Variants in FGD6 observed in about 807,000 individuals in gnomAD.
FGD6 encodes FYVE, RhoGEF and PH domain containing 6, also known as FYVE, RhoGEF and PH domain-containing protein 6.
FGD6 carries 90 observed loss-of-function variants against 149.4 expected under a neutral mutation model. That is an observed-to-expected ratio of 0.60 (90% CI 0.51 to 0.72). The LOEUF is 0.72. Ranked by LOEUF, FGD6 falls within the 30% of genes least tolerant of loss-of-function variation. The probability of loss-of-function intolerance (pLI) is 0.00; values close to 1 mark genes in which losing one functional copy is unlikely to be tolerated. For synonymous variants in FGD6, 527 were observed against 584.0 expected (o/e 0.90, Z 1.41); for missense variants, 1,437 against 1,684.8 (o/e 0.85, Z 2.57).
rs777406862 is a variant in FGD6 at position 95,210,891 on chromosome 12, A to G, written c.393T>C (p.Leu131=). The G allele has an allele frequency of 6.2e-7, 1 of 1,613,120 alleles. No homozygotes were observed. Among genetic ancestry groups the G allele is most frequent in the Admixed American group, 1.7e-5 (1 of 59,796 alleles). Residue 131 remains leucine (L), a synonymous_variant, in exon 2 of 21, where the codon CTT becomes CTC. Coordinates refer to ENST00000343958, the MANE Select transcript of FGD6 (RefSeq NM_018351.4). The stretch of plus-strand genomic sequence containing the variant: ...CATTCATTTCCAGGGGCTCTAAAAC[A>G]AGCTGCTTTACACACAAATTCTCTC... ...GHRENLCVKQ[L]VLEPLEMNEN...
chr12:95,172,295 GAA>G (rs1881016442), intron 3 of FGD6, among the ~76,000 whole-genome samples: 1 of 152,166 alleles, frequency 6.6e-6, no homozygotes, highest in Non-Finnish European at 1.5e-5. Context: ...AGGATGGCTT[GAA>G]CCCGGGAGGT....
At chr12:95,200,047 G>A (rs1321793755) in intron 2 of FGD6, among the ~76,000 whole-genome samples, 7 of 152,044 alleles carry the variant, frequency 4.6e-5, no homozygotes, top group African/African-American at 1.7e-4. Context: ...AATCAGAACT[G>A]CTTTTCAGAT....
rs9705498 is a variant in FGD6, at chr12:95,083,038, C to T, written c.4256+1460G>A. On this transcript the variant is annotated intron_variant, in intron 20 of 20. Transcript: ENST00000343958. The stretch of plus-strand genomic sequence containing the variant: ...ATATATATATATATATATACACACA[C>T]ATACACACACACACACACACACACA... Among the ~76,000 whole-genome samples, 203 of 62,634 alleles carry T rather than the reference C, an allele frequency of 3.2e-3. 4 individuals carry two copies. Among genetic ancestry groups the T allele is most frequent in the African/African-American group, 9.2e-3 (162 of 17,536 alleles). The allele number at this position is 62,634 out of a possible 152,430, so 41.1% of individuals were successfully genotyped here. A position where few individuals can be genotyped will look rare whatever the true frequency, so the allele number is the denominator to read the frequency against.
intron 18 of FGD6, among the ~76,000 whole-genome samples, chr12:95,087,640 T>C (rs1877923111): frequency 6.6e-6 from 1 of 152,212 alleles, no homozygotes; most frequent in South Asian, 2.1e-4. Context: ...GCCTGGACTC[T>C]GGAGATAATA....
intron 3 of FGD6, among the ~76,000 whole-genome samples, chr12:95,159,242 C>A (rs1306710519): frequency 6.6e-6 from 1 of 152,066 alleles, no homozygotes; most frequent in Admixed American, 6.6e-5. Flanking sequence ...TCTGCCAGGG[C>A]CTGCATTACA....
intron 2 of FGD6, among the ~76,000 whole-genome samples, chr12:95,179,017 A>C (rs1881207323): frequency 6.6e-6 from 1 of 152,172 alleles, no homozygotes; most frequent in African/African-American, 2.4e-5. Flanking sequence ...TATAAACCAG[A>C]AACTGTTTAA....
intron 9 of FGD6, among the ~76,000 whole-genome samples, chr12:95,109,993 CTT>C (rs35721924): frequency 1.3e-5 from 2 of 150,248 alleles, no homozygotes; most frequent in African/African-American, 2.4e-5. Context: ...CTTCTGTATT[CTT>C]TTTTTTTTTC....
At chr12:95,088,003 G>C (rs1018141979) in intron 18 of FGD6, among the ~76,000 whole-genome samples, 1 of 151,936 alleles carries the variant, frequency 6.6e-6, no homozygotes, top group Non-Finnish European at 1.5e-5. Flanking sequence ...AGTTACATTG[G>C]AATCCTACTA....
At chr12:95,128,299 C>T (rs1198420214) in intron 8 of FGD6, among the ~76,000 whole-genome samples, 2 of 152,196 alleles carry the variant, frequency 1.3e-5, no homozygotes, top group East Asian at 3.9e-4. Context: ...ACAACAGGCA[C>T]GATCATGGCT....
At chr12:95,211,590 A>C (rs2056728112) in intron 1 of FGD6, among the ~76,000 whole-genome samples, 1 of 144,202 alleles carries the variant, frequency 6.9e-6, no homozygotes, top group Admixed American at 7.3e-5. Flanking sequence ...CCCAGGCTGG[A>C]GTGCAGTGAC....
At chr12:95,132,687 G>A (rs1022357038) in intron 8 of FGD6, among the ~76,000 whole-genome samples, 1 of 152,152 alleles carries the variant, frequency 6.6e-6, no homozygotes, top group South Asian at 2.1e-4. Flanking sequence ...AGGAGGCGGA[G>A]TTTGCAGTGA....
At chr12:95,098,426 T>C (rs1592829773) in intron 14 of FGD6, among the ~76,000 whole-genome samples, 1 of 152,292 alleles carries the variant, frequency 6.6e-6, no homozygotes, top group African/African-American at 2.4e-5. Flanking sequence ...CTGTGGCTCT[T>C]AGGCTAAAGA....
rs541529907 is a variant in FGD6 at position 95,079,120 on chromosome 12, C to T, written c.*2400G>A. On this transcript the variant is annotated 3_prime_UTR_variant, in exon 21 of 21. Coordinates refer to ENST00000343958, the MANE Select transcript of FGD6 (RefSeq NM_018351.4). ...AGTTGACAATGAATGAGCCAGGTTA[C>T]ATAAATAACAATTGGTCAGCTTTAG... 6.6e-6 allele frequency: 1 copy of T among 152,222 alleles called. No individual in the cohort carries two copies. The highest frequency in any genetic ancestry group is 2.1e-4 in the South Asian group (1 of 4,826). 9.4% of individuals were successfully genotyped at this position (152,222 alleles called of 1,614,324 possible).
rs147326412 is a variant in FGD6 at position 95,210,422 on chromosome 12, C to T, written c.862G>A (p.Gly288Arg). Reference protein sequence around the residue: ...GKRSTLISSDGVSKKSEVKDL... With the variant: ...GKRSTLISSDRVSKKSEVKDL... ...TTGACTTCTGATTTCTTACTAACTCCATCTGAAGATATTAAAGTACTCCTT... is the reference window on the plus strand; with the variant it reads ...TTGACTTCTGATTTCTTACTAACTCTATCTGAAGATATTAAAGTACTCCTT... The change falls in exon 2 of 21, where the codon GGA becomes AGA. Residue 288 changes from glycine (G) to arginine (R), a missense_variant. Transcript: ENST00000343958. The T allele has an allele frequency of 3.7e-6, 6 of 1,614,010 alleles. No homozygotes were observed. The African/African-American group carries it at 6.7e-5, about 18-fold the overall frequency.
chr12:95,157,513 T>C (rs1880506966), intron 3 of FGD6, among the ~76,000 whole-genome samples: 1 of 145,478 alleles, frequency 6.9e-6, no homozygotes. Flanking sequence ...TTGCAGTGAG[T>C]CATGATCGTG....
At chr12:95,182,124 A>C (rs1881299497) in intron 2 of FGD6, among the ~76,000 whole-genome samples, 1 of 152,072 alleles carries the variant, frequency 6.6e-6, no homozygotes, top group South Asian at 2.1e-4. Flanking sequence ...GCCAGAAAAA[A>C]TAAAGGCCAT....
At chr12:95,165,557 C>T (rs548487241) in intron 3 of FGD6, among the ~76,000 whole-genome samples, 13 of 151,416 alleles carry the variant, frequency 8.6e-5, no homozygotes, top group African/African-American at 2.7e-4. Context: ...AGGCTGGTCT[C>T]GAACTCCCGA....
chr12:95,182,713 G>C (rs1011929673), intron 2 of FGD6, among the ~76,000 whole-genome samples: 1 of 152,200 alleles, frequency 6.6e-6, no homozygotes, highest in African/African-American at 2.4e-5. Flanking sequence ...TTCTTAAACA[G>C]ATGAAGGCAG....
intron 5 of FGD6, among the ~76,000 whole-genome samples, chr12:95,148,821 T>A: frequency 1.5e-5 from 1 of 64,554 alleles, no homozygotes; most frequent in Non-Finnish European, 2.9e-5. Flanking sequence ...ACATATATTA[T>A]ATATATTATA....
Sources: gnomAD v4.1 joint callset for allele counts (sites outside exome capture counted in the v4.1 genomes callset) on GRCh38, gnomAD v4.1.1 for gene constraint, MANE v1.5 for transcripts, NCBI Gene and HGNC (gene_info 2026-07-23, HGNC 2026-07-21) for gene names.